The following GIGYF2 variants were observed in gnomAD, a reference collection of about 807,000 sequenced individuals.
GIGYF2 encodes the protein GRB10 interacting GYF protein 2.
A neutral mutation model predicts 208.1 loss-of-function variants in GIGYF2; 25 were observed. The ratio of observed to expected loss-of-function variants is 0.12; its 90% confidence interval spans 0.09 to 0.17. The LOEUF (loss-of-function observed/expected upper bound fraction) is 0.17, where lower values mean the gene tolerates loss of function less well. Ranked by LOEUF, GIGYF2 falls within the 10% of genes least tolerant of loss-of-function variation. The pLI is 1.00. For missense variants in GIGYF2, 1,302 were observed against 1,579.4 expected (o/e 0.82, Z 2.98); for synonymous variants, 534 against 543.8 (o/e 0.98, Z 0.25).
intron 8 of GIGYF2, chr2:232,764,468 A>C (rs1057047318): frequency 2.0e-5 from 3 of 152,456 alleles, no homozygotes; most frequent in Non-Finnish European, 2.9e-5. Context: ...GGGCTGGGGC[A>C]TTTGAAGCCT....
At chr2:232,758,409 A>G (rs996981837) in intron 6 of GIGYF2, among the ~76,000 whole-genome samples, 2 of 152,198 alleles carry the variant, frequency 1.3e-5, no homozygotes, top group Admixed American at 6.5e-5. Context: ...GCTCTCAACT[A>G]TTGTCTTCAT....
intron 28 of GIGYF2, among the ~76,000 whole-genome samples, chr2:232,855,926 T>G (rs563310080): frequency 6.1e-5 from 6 of 98,400 alleles, no homozygotes; most frequent in South Asian, 2.4e-4. Context: ...TTGCAGGGGG[T>G]TTTTTTGTTT....
At chr2:232,821,064 C>T (rs1047754936) in intron 21 of GIGYF2, among the ~76,000 whole-genome samples, 2 of 152,124 alleles carry the variant, frequency 1.3e-5, no homozygotes, top group African/African-American at 4.8e-5. Context: ...CTCCTGGCCT[C>T]AAATGATCTG....
chr2:232,831,728 G>T (rs939496939), intron 21 of GIGYF2, among the ~76,000 whole-genome samples: 1 of 152,188 alleles, frequency 6.6e-6, no homozygotes, highest in African/African-American at 2.4e-5. Context: ...ATTTCCTGGT[G>T]TGTTGACTTT....
chr2:232,713,097 G>A (rs989102762), intron 2 of GIGYF2, among the ~76,000 whole-genome samples: 8 of 138,926 alleles, frequency 5.8e-5, no homozygotes, highest in African/African-American at 8.1e-5. Flanking sequence ...TTTTTTTGAA[G>A]TGGAGTCTTG....
intron 9 of GIGYF2, chr2:232,788,449 A>G (rs900314024): frequency 7.8e-6 from 3 of 383,790 alleles, no homozygotes; most frequent in African/African-American, 6.3e-5. Flanking sequence ...ATAGTTCTCT[A>G]AAAGGCATCA....
At chr2:232,824,104 G>T (rs930937284) in intron 21 of GIGYF2, among the ~76,000 whole-genome samples, 2 of 152,160 alleles carry the variant, frequency 1.3e-5, no homozygotes, top group Admixed American at 6.5e-5. Context: ...CTATTGACTG[G>T]CTATTCCCTG....
chr2:232,833,048 G>A lies in GIGYF2; in HGVS notation c.2721G>A (p.Arg907=), dbSNP rs1193489751. The A allele has an allele frequency of 6.4e-7, 1 of 1,557,170 alleles. No individual in the cohort carries two copies. Among genetic ancestry groups the A allele is most frequent in the Non-Finnish European group, 8.7e-7 (1 of 1,150,134 alleles). Residue 907 remains arginine, a synonymous_variant, in exon 22 of 29, where the codon CGG becomes CGA. Coordinates refer to ENST00000373563, the MANE Select transcript of GIGYF2 (RefSeq NM_001103146.3). ...GGCAGCAGCAGCAAGAGGCTCTCCG[G>A]AGGTTGCAGCAGCAGCAGCAGCAAC... ...RQRQQQQEAL[R]RLQQQQQQQQ...
chr2:232,840,536 ATT>A (rs1701784326), intron 23 of GIGYF2, among the ~76,000 whole-genome samples: 4 of 152,056 alleles, frequency 2.6e-5, no homozygotes, highest in Non-Finnish European at 5.9e-5. Flanking sequence ...TCATTCATTC[ATT>A]CATTCATTCA....
chr2:232,784,017 A>G (rs191028372), intron 8 of GIGYF2, among the ~76,000 whole-genome samples: 39 of 152,252 alleles, frequency 2.6e-4, no homozygotes, highest in Admixed American at 6.5e-5. Context: ...TGTAGTATCA[A>G]TAAAATTTAC....
At chr2:232,822,516 A>C (rs969902450) in intron 21 of GIGYF2, among the ~76,000 whole-genome samples, 1 of 152,214 alleles carries the variant, frequency 6.6e-6, no homozygotes, top group African/African-American at 2.4e-5. Flanking sequence ...CCCTGTGTCT[A>C]CTAAAAATAC....
At chr2:232,785,624 T>A (rs980590927) in intron 8 of GIGYF2, among the ~76,000 whole-genome samples, 3 of 152,166 alleles carry the variant, frequency 2.0e-5, no homozygotes, top group African/African-American at 7.2e-5. Flanking sequence ...TCCACAGAGA[T>A]CAGCAGTCAG....
intron 1 of GIGYF2, among the ~76,000 whole-genome samples, chr2:232,702,918 C>T (rs1000364645): frequency 1.3e-5 from 2 of 152,192 alleles, no homozygotes; most frequent in Non-Finnish European, 2.9e-5. Flanking sequence ...ACCTCAGCTT[C>T]CCGAGTAGCT....
In GIGYF2 at chr2:232,831,428, A is replaced by G. The variant is rs186339258; in HGVS notation, c.2530-1429A>G. ...TTAACATGTTTAGTTAATGTACTACATGCCAGTTACTGTGCTTGTTTTCTG... is the reference window on the plus strand; with the variant it reads ...TTAACATGTTTAGTTAATGTACTACGTGCCAGTTACTGTGCTTGTTTTCTG... On this transcript the variant is annotated intron_variant, in intron 21 of 28. Coordinates refer to ENST00000373563, the MANE Select transcript of GIGYF2 (RefSeq NM_001103146.3). Among the ~76,000 whole-genome samples, 31 of 152,310 alleles carry G rather than the reference A, an allele frequency of 2.0e-4. 2 individuals carry two copies. Among genetic ancestry groups the G allele is most frequent in the Admixed American group, 1.8e-3 (27 of 15,304 alleles).
intron 1 of GIGYF2, among the ~76,000 whole-genome samples, chr2:232,700,290 A>G (rs1695784047): frequency 6.6e-6 from 1 of 152,176 alleles, no homozygotes; most frequent in Non-Finnish European, 1.5e-5. Context: ...GACATTTCCA[A>G]ATTATGTCTT....
chr2:232,816,107 T>A (rs925361259), intron 19 of GIGYF2, among the ~76,000 whole-genome samples: 1 of 152,228 alleles, frequency 6.6e-6, no homozygotes, highest in Non-Finnish European at 1.5e-5. Flanking sequence ...CATTGAATCT[T>A]TGTAGTGGTA....
intron 2 of GIGYF2, among the ~76,000 whole-genome samples, chr2:232,723,632 T>C (rs1697044944): frequency 6.6e-6 from 1 of 151,754 alleles, no homozygotes; most frequent in Non-Finnish European, 1.5e-5. Flanking sequence ...GGTTTCAACA[T>C]ATTGGCCAGG....
At chr2:232,836,312 A>C (rs1253445417) in intron 22 of GIGYF2, among the ~76,000 whole-genome samples, 552 of 23,374 alleles carry the variant, frequency 0.024, 163 homozygotes, top group African/African-American at 0.074. Context: ...ATATATATAT[A>C]TATATATATA....
chr2:232,854,167 T>C (rs2044450), intron 28 of GIGYF2, among the ~76,000 whole-genome samples: 24,726 of 152,232 alleles, frequency 0.16, 2,504 homozygotes, highest in Non-Finnish European at 0.21. Flanking sequence ...TTTAGGTTCT[T>C]GTACTTGCCT....
Sources: gnomAD v4.1 joint callset for allele counts (sites outside exome capture counted in the v4.1 genomes callset) on GRCh38, gnomAD v4.1.1 for gene constraint, MANE v1.5 for transcripts, NCBI Gene and HGNC (gene_info 2026-07-23, HGNC 2026-07-21) for gene names.